RALY: variants seen among roughly 807,000 people sequenced by gnomAD.
RALY encodes the protein RNA-binding protein Raly.
RALY carries 15 observed loss-of-function variants against 30.7 expected under a neutral mutation model. The observed-to-expected ratio is 0.49, with a 90% CI of 0.33 to 0.75. The LOEUF (loss-of-function observed/expected upper bound fraction) is 0.75, where lower values mean the gene tolerates loss of function less well. Ranked by LOEUF, RALY falls within the 30% of genes least tolerant of loss-of-function variation. RALY has a pLI of 0.02. For missense variants in RALY, 339 were observed against 414.3 expected, an observed-to-expected ratio of 0.82 and a Z score of 1.58; for synonymous variants, 177 against 170.8, an observed-to-expected ratio of 1.04 and a Z score of -0.28.
chr20:34,057,531 G>C (rs1474121954), intron 2 of RALY, among the ~76,000 whole-genome samples: 3 of 152,092 alleles, frequency 2.0e-5, no homozygotes, highest in Non-Finnish European at 4.4e-5. Context: ...GCTGGGCATG[G>C]TGGCGGGCGC....
At chr20:34,026,318 C>T (rs548398069) in intron 1 of RALY, among the ~76,000 whole-genome samples, 1 of 152,040 alleles carries the variant, frequency 6.6e-6, no homozygotes, top group East Asian at 1.9e-4. Context: ...AAATAAAAGT[C>T]CTTGGTTCTG....
intron 1 of RALY, among the ~76,000 whole-genome samples, chr20:34,018,409 C>T (rs1302837577): frequency 1.3e-5 from 2 of 152,194 alleles, no homozygotes; most frequent in African/African-American, 2.4e-5. Context: ...CTGGCCCAGG[C>T]AAATAACCTT....
intron 2 of RALY, among the ~76,000 whole-genome samples, chr20:34,034,103 C>T (rs1348631735): frequency 6.6e-6 from 1 of 152,176 alleles, no homozygotes; most frequent in Non-Finnish European, 1.5e-5. Context: ...TTGCCTTGTT[C>T]CCTGCTGTCA....
At chr20:34,058,085 G>A (rs1203278216) in intron 2 of RALY, among the ~76,000 whole-genome samples, 1 of 152,078 alleles carries the variant, frequency 6.6e-6, no homozygotes, top group Non-Finnish European at 1.5e-5. Context: ...CCTTTTTGAG[G>A]GGAAGGGGGC....
Position 34,082,539 on chromosome 20 carries a change from G to A in RALY, c.*2634G>A, listed in dbSNP as rs184694268. 3 of 152,348 alleles carry A rather than the reference G, an allele frequency of 2.0e-5. No homozygotes were observed. Among genetic ancestry groups the A allele is most frequent in the Non-Finnish European group, 4.4e-5 (3 of 68,060 alleles). 9.4% of individuals were successfully genotyped at this position (152,348 alleles called of 1,614,324 possible). On this transcript the variant is annotated 3_prime_UTR_variant, in exon 10 of 10. Coordinates refer to ENST00000246194, the MANE Select transcript of RALY (RefSeq NM_016732.3). ...GGCTTGGAGAACCGTGAGAAAAGCA[G>A]GGAAGATACCTTCAAGGGTAGCAGG...
At chr20:34,044,717 C>G (rs932672333) in intron 2 of RALY, among the ~76,000 whole-genome samples, 1 of 152,232 alleles carries the variant, frequency 6.6e-6, no homozygotes, top group African/African-American at 2.4e-5. Flanking sequence ...CTAAGCTTAC[C>G]TAGGCTTGGA....
intron 2 of RALY, among the ~76,000 whole-genome samples, chr20:34,039,891 T>G (rs1368280029): frequency 6.6e-6 from 1 of 152,114 alleles, no homozygotes; most frequent in Non-Finnish European, 1.5e-5. Flanking sequence ...GGAGGAAGGA[T>G]CACGAGGTCA....
At chr20:34,049,756 G>A (rs1234747181) in intron 2 of RALY, among the ~76,000 whole-genome samples, 3 of 151,760 alleles carry the variant, frequency 2.0e-5, no homozygotes, top group Non-Finnish European at 4.4e-5. Context: ...TGAGGAAACT[G>A]AGAGAGGTTG....
At chr20:34,014,473 T>C (rs112474935) in intron 1 of RALY, among the ~76,000 whole-genome samples, 7 of 152,350 alleles carry the variant, frequency 4.6e-5, no homozygotes, top group South Asian at 2.1e-4. Flanking sequence ...GTGGATTATG[T>C]ATATGTATTA....
At chr20:34,002,648 G>C (rs2030971154) in intron 1 of RALY, among the ~76,000 whole-genome samples, 1 of 152,070 alleles carries the variant, frequency 6.6e-6, no homozygotes, top group South Asian at 2.1e-4. Flanking sequence ...TCTCCCTTCT[G>C]TTTTTTACAG....
At chr20:34,042,600 A>G (rs763423335) in intron 2 of RALY, among the ~76,000 whole-genome samples, 3 of 152,168 alleles carry the variant, frequency 2.0e-5, no homozygotes, top group Non-Finnish European at 2.9e-5. Context: ...TAGAGTGAGC[A>G]TGTGTCAGGT....
chr20:34,005,474 G>C (rs866741815), intron 1 of RALY, among the ~76,000 whole-genome samples: 9 of 151,490 alleles, frequency 5.9e-5, no homozygotes, highest in African/African-American at 2.2e-4. Context: ...GTGCCACTGC[G>C]CTCCAGCCTG....
chr20:34,021,273 G>A (rs1441334282), intron 1 of RALY, among the ~76,000 whole-genome samples: 3 of 152,018 alleles, frequency 2.0e-5, no homozygotes, highest in Admixed American at 6.6e-5. Flanking sequence ...GAAAGTCACC[G>A]TCTTAGTCCA....
intron 1 of RALY, among the ~76,000 whole-genome samples, chr20:34,021,201 A>G (rs1369344984): frequency 6.6e-6 from 1 of 152,066 alleles, no homozygotes; most frequent in African/African-American, 2.4e-5. Flanking sequence ...ACCTCAAGTG[A>G]TCTACCTGCC....
chr20:34,021,802 C>T (rs543133422), intron 1 of RALY, among the ~76,000 whole-genome samples: 39 of 152,174 alleles, frequency 2.6e-4, no homozygotes, highest in Admixed American at 3.3e-4. Flanking sequence ...AGAAAAGACT[C>T]ATCAGTCAGA....
chr20:34,037,180 C>T (rs975721549), intron 2 of RALY, among the ~76,000 whole-genome samples: 3 of 152,210 alleles, frequency 2.0e-5, no homozygotes, highest in Non-Finnish European at 4.4e-5. Context: ...ATAGGGAAGA[C>T]AAGTGGCCTA....
intron 2 of RALY, among the ~76,000 whole-genome samples, chr20:34,046,332 C>T (rs1417826041): frequency 2.6e-5 from 4 of 152,112 alleles, no homozygotes; most frequent in Admixed American, 2.6e-4. Context: ...ATGCTGGGAC[C>T]AAAGAAATCT....
chr20:34,057,830 G>A (rs1027003070), intron 2 of RALY, among the ~76,000 whole-genome samples: 19 of 152,024 alleles, frequency 1.2e-4, no homozygotes, highest in Non-Finnish European at 2.6e-4. Context: ...TGAGGAGGGC[G>A]TGGTGAATAA....
intron 1 of RALY, among the ~76,000 whole-genome samples, chr20:34,026,852 T>G (rs2032062563): frequency 6.6e-6 from 1 of 152,200 alleles, no homozygotes. Context: ...CGGTTGATAT[T>G]CATACTGGGG....
Sources: allele counts gnomAD v4.1 joint callset (sites outside exome capture counted in the v4.1 genomes callset), GRCh38; gene constraint gnomAD v4.1.1; transcripts MANE v1.5; gene names NCBI Gene and HGNC (gene_info 2026-07-23, HGNC 2026-07-21).